Variants in TMEM94 observed in about 807,000 individuals in gnomAD.
TMEM94 encodes the protein ER Mg2+ ATPase.
TMEM94 carries 81 observed loss-of-function variants against 158.6 expected under a neutral mutation model. The ratio of observed to expected loss-of-function variants is 0.51; its 90% CI spans 0.43 to 0.61. TMEM94 has a LOEUF of 0.61. TMEM94 is among the 20% of genes least tolerant of loss of function. TMEM94 has a pLI of 0.00. For missense variants in TMEM94, 1,435 were observed against 1,762.0 expected (o/e 0.81, Z 3.32); for synonymous variants, 751 against 730.7 (o/e 1.03, Z -0.45).
intron 9 of TMEM94, 137 bp from the exon 10 acceptor site, chr17:75,490,097 A>G: frequency 1.7e-6 from 2 of 1,197,134 alleles, no homozygotes; most frequent in African/African-American, 1.6e-5. Flanking sequence ...AAAAAAGAAC[A>G]CCTCTTTCCC....
chr17:75,499,071 A>G lies in TMEM94; in HGVS notation c.3987A>G (p.Leu1329=). ...TGGTGACCAATGAGATCGTGAAGCT[A>G]CATGAGATTCGGTGAGCTGTCAGCA... The part of the protein sequence containing the change: ...LVVVTNEIVK[L]HEIRVRVRYQ... The change falls in exon 31 of 32, where the codon CTA becomes CTG. Residue 1329 remains leucine, a synonymous_variant. Coordinates refer to ENST00000314256, the MANE Select transcript of TMEM94 (RefSeq NM_014738.6). 6.3e-7 allele frequency: 1 copy of G among 1,587,268 alleles called. No homozygotes were observed. Among genetic ancestry groups the G allele is most frequent in the East Asian group, 2.2e-5 (1 of 44,472 alleles).
chr17:75,497,582 G>A (rs1022639363), intron 26 of TMEM94, among the ~76,000 whole-genome samples, 199 bp from the exon 27 acceptor site: 1 of 152,090 alleles, frequency 6.6e-6, no homozygotes, highest in African/African-American at 2.4e-5. Context: ...TTGAACTCCT[G>A]ACCTCAAATG....
At position 75,485,779 on chromosome 17, in the gene TMEM94, C is replaced by T. The variant is rs750958706; in HGVS notation, c.145-92C>T. 1.8e-5 allele frequency: 26 copies of T among 1,465,510 alleles called. No homozygotes were observed. Among genetic ancestry groups the T allele is most frequent in the Middle Eastern group, 1.8e-4 (1 of 5,424 alleles). The allele number at this position is 1,465,510 out of a possible 1,614,324, so 90.8% of individuals were successfully genotyped here. A position where few individuals can be genotyped will look rare whatever the true frequency, so the allele number is the denominator to read the frequency against. ...CGAGGTCAAAGAGAGGGGACCAAGG[C>T]GGCCATGGGGGCTGGGAAGGGTGCC... On this transcript the variant is annotated intron_variant, in intron 3 of 31. Transcript: ENST00000314256. The surrounding 1 kb of genome is among the most constrained non-coding windows in gnomAD (Gnocchi z 5.5).
intron 2 of TMEM94, among the ~76,000 whole-genome samples, chr17:75,484,962 C>T (rs556219225): frequency 2.0e-5 from 3 of 151,606 alleles, no homozygotes; most frequent in Non-Finnish European, 4.4e-5. Flanking sequence ...CACCAGAACC[C>T]GGGAGGCAGA....
intron 27 of TMEM94, 32 bp downstream of exon 27, chr17:75,497,894 G>GTGA (rs751020003): frequency 6.3e-7 from 1 of 1,584,374 alleles, no homozygotes; most frequent in East Asian, 2.2e-5. Context: ...AGCCTTGCAA[G>GTGA]TGAGCATGGA....
rs746892548 is a variant in TMEM94 at position 75,482,526 on chromosome 17, ATG to A, written c.25-2900_25-2899del. Among the ~76,000 whole-genome samples the A allele has an allele frequency of 1.6e-3, 23 of 14,544 alleles. No homozygotes were observed. The African/African-American group carries it at 0.017, about 10-fold the overall frequency. The allele number at this position is 14,544 out of a possible 152,430, so 9.5% of individuals were successfully genotyped here. ...TGTCTCAATTTAAAAATATATATATATGTATGTATGTATGTATGTATGTATGT... is the reference window on the plus strand; with the variant it reads ...TGTCTCAATTTAAAAATATATATATATATGTATGTATGTATGTATGTATGT... On this transcript the variant is annotated intron_variant, in intron 2 of 31. Coordinates refer to ENST00000314256, the MANE Select transcript of TMEM94 (RefSeq NM_014738.6).
At chr17:75,490,605 G>A in intron 10 of TMEM94, 97 bp from the exon 11 acceptor site, 4 of 1,167,994 alleles carry the variant, frequency 3.4e-6, no homozygotes, top group Non-Finnish European at 5.0e-6. Flanking sequence ...AAGGGGTTGG[G>A]AGCCCCGCTG....
chr17:75,475,091 T>G (rs185302235), intron 2 of TMEM94, among the ~76,000 whole-genome samples: 35 of 152,280 alleles, frequency 2.3e-4, no homozygotes, highest in African/African-American at 8.2e-4. Flanking sequence ...GAGCAGTGCC[T>G]CAGGGACAGG....
In TMEM94 at chr17:75,493,559, G is replaced by A. The variant is rs147953778; in HGVS notation, c.2155G>A (p.Gly719Arg). The A allele has an allele frequency of 3.7e-6, 6 of 1,614,036 alleles. No individual in the cohort carries two copies. Among genetic ancestry groups the A allele is most frequent in the Non-Finnish European group, 4.2e-6 (5 of 1,180,030 alleles). ...AGAGGCCTGCACAGACTTCTGGGAC[G>A]GAGCTGACATCTACCCTCTCTCGGG... ...VLEACTDFWDGADIYPLSGSD... is the reference protein window; with the variant it reads ...VLEACTDFWDRADIYPLSGSD... The change falls in exon 17 of 32, where the codon GGA becomes AGA. Residue 719 changes from glycine (G) to arginine (R), a missense_variant. Physicochemically the swap from Gly to Arg is moderately radical, Grantham distance 125 (BLOSUM62 -2). Coordinates refer to ENST00000314256, the MANE Select transcript of TMEM94 (RefSeq NM_014738.6).
chr17:75,475,335 T>G (rs1345793966), intron 2 of TMEM94, among the ~76,000 whole-genome samples: 1 of 152,190 alleles, frequency 6.6e-6, no homozygotes, highest in Non-Finnish European at 1.5e-5. Flanking sequence ...GAGGCTGGCT[T>G]GGGCTGCTGA....
chr17:75,464,034 CTAGAAGGGAT>C (rs2076187683), intron 1 of TMEM94, among the ~76,000 whole-genome samples: 1 of 152,110 alleles, frequency 6.6e-6, no homozygotes, highest in Non-Finnish European at 1.5e-5. Context: ...GAAGATTGTG[CTAGAAGGGAT>C]TAGAAGGACA....
intron 1 of TMEM94, among the ~76,000 whole-genome samples, chr17:75,466,976 GTTT>G (rs539661751): frequency 1.5e-5 from 2 of 137,222 alleles, no homozygotes; most frequent in African/African-American, 2.7e-5. Flanking sequence ...ATTTCTAAAG[GTTT>G]TTTTTTTTTT....
chr17:75,460,923 T>C (rs560860965), intron 1 of TMEM94, among the ~76,000 whole-genome samples: 2 of 152,196 alleles, frequency 1.3e-5, no homozygotes, highest in African/African-American at 4.8e-5. Context: ...TCTCCAGAAC[T>C]TTCTTAGTTT....
intron 2 of TMEM94, among the ~76,000 whole-genome samples, chr17:75,479,565 G>A (rs1244388099): frequency 1.3e-5 from 2 of 151,814 alleles, no homozygotes; most frequent in Admixed American, 6.6e-5. Flanking sequence ...TGATCCCCCT[G>A]CCTCGGCCTC....
rs760789387 is a variant in TMEM94 at position 75,488,142 on chromosome 17, G to A, written c.612+8G>A. 1 of 1,613,904 alleles carries A rather than the reference G, an allele frequency of 6.2e-7. No individual in the cohort carries two copies. The highest frequency in any genetic ancestry group is 1.7e-5 in the Admixed American group (1 of 60,026). On this transcript the variant is annotated splice_region_variant and intron_variant, in intron 6 of 31. Coordinates refer to ENST00000314256, the MANE Select transcript of TMEM94 (RefSeq NM_014738.6). Reference sequence around the variant, plus strand: ...TCTCTGAGGGGGATCAAGGTAGCTTGAGGCTTTCCTTCTCCCTTGGAAATG... The same window carrying A: ...TCTCTGAGGGGGATCAAGGTAGCTTAAGGCTTTCCTTCTCCCTTGGAAATG...
In TMEM94 at chr17:75,498,901, A is replaced by G. The variant is rs748216624; in HGVS notation, c.3828-11A>G. On this transcript the variant is annotated splice_polypyrimidine_tract_variant and intron_variant, in intron 30 of 31. Transcript: ENST00000314256. The surrounding 1 kb of genome is among the most constrained non-coding windows in gnomAD (Gnocchi z 6.7). Reference sequence around the variant, plus strand: ...AGTGTCGGGTTCACACGGGGCCGCCACCTCCTGCAGGCTGCTGGGTCAGGT... The same window carrying G: ...AGTGTCGGGTTCACACGGGGCCGCCGCCTCCTGCAGGCTGCTGGGTCAGGT... 5 of 1,536,194 alleles carry G rather than the reference A, an allele frequency of 3.3e-6. No homozygotes were observed. The African/African-American group carries it at 5.5e-5, about 17-fold the overall frequency.
rs1156382526 is a variant in TMEM94 at position 75,489,840 on chromosome 17, G to C, written c.954+178G>C. 1.6e-6 allele frequency: 1 copy of C among 630,162 alleles called. No individual in the cohort carries two copies. The highest frequency in any genetic ancestry group is 1.8e-5 in the African/African-American group (1 of 54,836). 39.0% of individuals were successfully genotyped at this position (630,162 alleles called of 1,614,324 possible). A position where few individuals can be genotyped will look rare whatever the true frequency, so the allele number is the denominator to read the frequency against. On this transcript the variant is annotated intron_variant, in intron 9 of 31. Coordinates refer to ENST00000314256, the MANE Select transcript of TMEM94 (RefSeq NM_014738.6). The surrounding 1 kb of genome is among the most constrained non-coding windows in gnomAD (Gnocchi z 5.0). ...TCAGGCCTGTAATCCAAGCACTTTG[G>C]GAGGCCACGGCAGGCAGATCATGAG...
At chr17:75,497,293 C>A in intron 26 of TMEM94, 95 bp downstream of exon 26, 1 of 926,850 alleles carries the variant, frequency 1.1e-6, no homozygotes, top group Admixed American at 1.8e-5. Flanking sequence ...TCTGGAACTG[C>A]TCAGGTCTCA....
chr17:75,493,154 C>G, intron 16 of TMEM94, 52 bp downstream of exon 16: 1 of 1,569,392 alleles, frequency 6.4e-7, no homozygotes, highest in Non-Finnish European at 8.7e-7. Flanking sequence ...CAGAGCTTGG[C>G]AGGGGGGCTC....
Sources: allele counts gnomAD v4.1 joint callset (sites outside exome capture counted in the v4.1 genomes callset), GRCh38; gene constraint gnomAD v4.1.1; non-coding constraint Gnocchi (gnomAD v3.1); transcripts MANE v1.5; gene names NCBI Gene and HGNC (gene_info 2026-07-23, HGNC 2026-07-21).